SMYD3: variants seen among roughly 807,000 people sequenced by gnomAD.
The protein encoded by SMYD3 is histone-lysine N-methyltransferase SMYD3.
SMYD3 carries 36 observed loss-of-function variants against 57.7 expected under a neutral mutation model. The ratio of observed to expected loss-of-function variants is 0.62; its 90% confidence interval spans 0.48 to 0.82. The LOEUF (loss-of-function observed/expected upper bound fraction) is 0.82, where lower values mean the gene tolerates loss of function less well. SMYD3 is among the 40% of genes least tolerant of loss of function. The pLI is 0.00. For synonymous variants in SMYD3, 211 were observed against 195.0 expected (o/e 1.08, Z -0.68); for missense variants, 515 against 538.8 (o/e 0.96, Z 0.44).
chr1:246,505,086 TTG>T (rs1572065938), intron 1 of SMYD3, among the ~76,000 whole-genome samples: 1 of 152,216 alleles, frequency 6.6e-6, no homozygotes, highest in African/African-American at 2.4e-5. Flanking sequence ...TGCAAATATT[TTG>T]TGTCTGTGTA....
intron 5 of SMYD3, among the ~76,000 whole-genome samples, chr1:246,130,643 T>C (rs1417964905): frequency 1.3e-5 from 2 of 149,576 alleles, no homozygotes; most frequent in Non-Finnish European, 2.9e-5. Context: ...AAAAAGAAAA[T>C]GCTGTTTGGA....
intron 5 of SMYD3, among the ~76,000 whole-genome samples, chr1:246,284,798 T>C (rs189584378): frequency 3.9e-5 from 6 of 152,310 alleles, no homozygotes; most frequent in Admixed American, 3.3e-4. Flanking sequence ...GTATGGTAAA[T>C]TGTATTAATA....
chr1:245,798,122 T>C, intron 10 of SMYD3, among the ~76,000 whole-genome samples: 1 of 151,972 alleles, frequency 6.6e-6, no homozygotes, highest in Non-Finnish European at 1.5e-5. Context: ...CTCTTGGCTA[T>C]TACTGGCTAT....
intron 5 of SMYD3, among the ~76,000 whole-genome samples, chr1:246,314,891 TAAGA>T (rs749029785): frequency 6.6e-6 from 1 of 152,242 alleles, no homozygotes; most frequent in African/African-American, 2.4e-5. Flanking sequence ...GGCTTCAATA[TAAGA>T]AACAGATATT....
intron 10 of SMYD3, among the ~76,000 whole-genome samples, chr1:245,797,629 C>T (rs540282928): frequency 6.6e-6 from 1 of 151,598 alleles, no homozygotes; most frequent in South Asian, 2.1e-4. Flanking sequence ...ACATATGTAA[C>T]AAACCTGCAC....
intron 1 of SMYD3, among the ~76,000 whole-genome samples, chr1:246,472,853 CTT>C (rs74163449): frequency 6.6e-4 from 68 of 102,906 alleles, no homozygotes; most frequent in African/African-American, 1.7e-3. Flanking sequence ...TCTCAAATTT[CTT>C]TTTTTTTTTT....
At chr1:246,219,751 A>C (rs1275448670) in intron 5 of SMYD3, among the ~76,000 whole-genome samples, 1 of 152,186 alleles carries the variant, frequency 6.6e-6, no homozygotes, top group Non-Finnish European at 1.5e-5. Context: ...CCCCAGATGC[A>C]GCTGCAGGCA....
At chr1:246,162,435 A>G (rs1319265263) in intron 5 of SMYD3, among the ~76,000 whole-genome samples, 2 of 152,222 alleles carry the variant, frequency 1.3e-5, no homozygotes, top group Non-Finnish European at 2.9e-5. Flanking sequence ...TCTGAACTCT[A>G]CTGCCACGTA....
chr1:246,443,571 A>G (rs1279279126), intron 1 of SMYD3, among the ~76,000 whole-genome samples: 1 of 152,210 alleles, frequency 6.6e-6, no homozygotes, highest in Non-Finnish European at 1.5e-5. Context: ...ACAAATAGAG[A>G]TGCTAGCCAG....
At chr1:245,996,983 C>G (rs1427281363) in intron 5 of SMYD3, among the ~76,000 whole-genome samples, 1 of 152,212 alleles carries the variant, frequency 6.6e-6, no homozygotes, top group African/African-American at 2.4e-5. Context: ...GGCACTGAGG[C>G]GACGTCGCTG....
chr1:245,842,340 G>C (rs530694131), intron 10 of SMYD3, among the ~76,000 whole-genome samples: 19 of 152,272 alleles, frequency 1.2e-4, no homozygotes, highest in African/African-American at 4.6e-4. Flanking sequence ...CAGTGAACTG[G>C]CTTTTGATGA....
chr1:246,091,203 A>G (rs1490087354), intron 5 of SMYD3, among the ~76,000 whole-genome samples: 1 of 152,174 alleles, frequency 6.6e-6, no homozygotes, highest in African/African-American at 2.4e-5. Flanking sequence ...CCACGTGTGA[A>G]CAAGCTTCCT....
intron 5 of SMYD3, among the ~76,000 whole-genome samples, chr1:245,972,109 G>T (rs966055802): frequency 6.6e-6 from 1 of 152,216 alleles, no homozygotes; most frequent in African/African-American, 2.4e-5. Flanking sequence ...CATGCCCTAG[G>T]ATGTAAGTCC....
At chr1:245,987,864 C>T (rs1234130298) in intron 5 of SMYD3, among the ~76,000 whole-genome samples, 1 of 152,166 alleles carries the variant, frequency 6.6e-6, no homozygotes, top group Non-Finnish European at 1.5e-5. Context: ...AGGAGTCCTC[C>T]AAACCTGTTT....
At chr1:246,485,621 T>G (rs1323016742) in intron 1 of SMYD3, among the ~76,000 whole-genome samples, 1 of 151,102 alleles carries the variant, frequency 6.6e-6, no homozygotes, top group African/African-American at 2.4e-5. Context: ...CCCCCACATC[T>G]CTACAAAAAA....
chr1:245,808,314 T>C (rs540987532), intron 10 of SMYD3, among the ~76,000 whole-genome samples: 1 of 152,204 alleles, frequency 6.6e-6, no homozygotes, highest in Admixed American at 6.5e-5. Context: ...GTAACACACA[T>C]ACACAAACCT....
chr1:246,174,856 C>G (rs1249040017), intron 5 of SMYD3, among the ~76,000 whole-genome samples: 1 of 152,164 alleles, frequency 6.6e-6, no homozygotes, highest in Non-Finnish European at 1.5e-5. Context: ...CTGGTAAGCA[C>G]CTGATAAACT....
At chr1:246,404,241 T>C (rs1221905891) in intron 1 of SMYD3, among the ~76,000 whole-genome samples, 2 of 152,324 alleles carry the variant, frequency 1.3e-5, no homozygotes, top group East Asian at 3.9e-4. Flanking sequence ...CAGTTTTGTT[T>C]TTGTGTGTTG....
chr1:245,762,204 C>A (rs1263621212), intron 11 of SMYD3, among the ~76,000 whole-genome samples: 1 of 152,192 alleles, frequency 6.6e-6, no homozygotes, highest in African/African-American at 2.4e-5. Context: ...CAAACCTGAG[C>A]GCCTTCACTT....
Sources: allele counts gnomAD v4.1 joint callset (sites outside exome capture counted in the v4.1 genomes callset), GRCh38; gene constraint gnomAD v4.1.1; transcripts MANE v1.5; gene names NCBI Gene and HGNC (gene_info 2026-07-23, HGNC 2026-07-21).